The following ZNF761 variants were observed in gnomAD, a reference collection of about 807,000 sequenced individuals.
The protein encoded by ZNF761 is zinc finger protein 761.
Under a neutral mutation model 59.9 loss-of-function variants are expected in ZNF761, and 43 were observed. The observed-to-expected ratio is 0.72, with a 90% confidence interval of 0.56 to 0.92. The LOEUF is 0.92. Ranked by LOEUF, ZNF761 falls within the 40% of genes least tolerant of loss-of-function variation. The probability of loss-of-function intolerance (pLI) is 0.00; values close to 1 mark genes in which losing one functional copy is unlikely to be tolerated. For missense variants in ZNF761, 850 were observed against 906.1 expected, an observed-to-expected ratio of 0.94 and a Z score of 0.79; for synonymous variants, 294 against 304.8, an observed-to-expected ratio of 0.96 and a Z score of 0.37.
intron 1 of ZNF761, among the ~76,000 whole-genome samples, chr19:53,437,047 G>A (rs1439250109): frequency 6.6e-6 from 1 of 152,198 alleles, no homozygotes; most frequent in Non-Finnish European, 1.5e-5. Context: ...ACCCAGCGCA[G>A]TGGCTCATGC....
Position 53,447,246 on chromosome 19 carries a change from A to G in ZNF761, c.-23A>G. ...CGTGAGGAAGAAACCCGGAAGAGGA[A>G]GAGGAGAGCAAAGGAGTCAGGGATG... On this transcript the variant is annotated 5_prime_UTR_variant, in exon 3 of 5. Coordinates refer to ENST00000684525, the MANE Select transcript of ZNF761 (RefSeq NM_001289951.2). 1 of 1,612,418 alleles carries G rather than the reference A, an allele frequency of 6.2e-7. No individual in the cohort carries two copies. Among genetic ancestry groups the G allele is most frequent in the Middle Eastern group, 1.7e-4 (1 of 6,052 alleles).
chr19:53,434,631 T>C (rs959033871), intron 1 of ZNF761, among the ~76,000 whole-genome samples: 3 of 152,224 alleles, frequency 2.0e-5, no homozygotes, highest in African/African-American at 7.2e-5. Flanking sequence ...CCAGTGAGTC[T>C]GTAAAAGCTT....
chr19:53,444,342 A>G (rs1029790350), intron 1 of ZNF761: 21 of 152,216 alleles, frequency 1.4e-4, no homozygotes, highest in Non-Finnish European at 2.4e-4. Context: ...AGATAGGAGA[A>G]AACCGCCTTA....
chr19:53,433,558 G>T (rs1311939854), intron 1 of ZNF761, among the ~76,000 whole-genome samples: 1 of 152,006 alleles, frequency 6.6e-6, no homozygotes, highest in South Asian at 2.1e-4. Context: ...ATGCATGTTT[G>T]TTTTTTAACT....
intron 1 of ZNF761, among the ~76,000 whole-genome samples, chr19:53,433,383 CTT>C (rs569786564): frequency 1.4e-5 from 2 of 144,634 alleles, no homozygotes; most frequent in African/African-American, 2.5e-5. Flanking sequence ...CACATTTGTC[CTT>C]TTTTTTTTTT....
At chr19:53,444,287 A>G (rs895071318) in intron 1 of ZNF761, 4 of 152,210 alleles carry the variant, frequency 2.6e-5, no homozygotes, top group Non-Finnish European at 5.9e-5. Context: ...CGTCCTGGCA[A>G]TGGAACGTCT....
chr19:53,457,064 G>A lies in ZNF761; in HGVS notation c.*316G>A. 1 of 631,012 alleles carries A rather than the reference G, an allele frequency of 1.6e-6. No homozygotes were observed. The allele number at this position is 631,012 out of a possible 1,614,324, so 39.1% of individuals were successfully genotyped here. ...AACATGCTAGAATTCACACTGGAGA[G>A]AAACCTTACCAGTGTAATGAGTGTG... is the stretch of plus-strand genomic sequence containing the variant. On this transcript the variant is annotated 3_prime_UTR_variant, in exon 5 of 5. Coordinates refer to ENST00000684525, the MANE Select transcript of ZNF761 (RefSeq NM_001289951.2).
At position 53,456,865 on chromosome 19, in the gene ZNF761, G is replaced by A; in HGVS notation, c.*117G>A. On this transcript the variant is annotated 3_prime_UTR_variant, in exon 5 of 5. Coordinates refer to ENST00000684525, the MANE Select transcript of ZNF761 (RefSeq NM_001289951.2). ...GATAAAGTTTACAGTGGCAAATCAA[G>A]CCTCAGAAGACAGGAGAATTCATAC... 7 of 1,182,084 alleles carry A rather than the reference G, an allele frequency of 5.9e-6. No homozygotes were observed. Among genetic ancestry groups the A allele is most frequent in the Non-Finnish European group, 8.5e-6 (7 of 819,502 alleles). The allele number at this position is 1,182,084 out of a possible 1,614,324, so 73.2% of individuals were successfully genotyped here. A position where few individuals can be genotyped will look rare whatever the true frequency, so the allele number is the denominator to read the frequency against.
At chr19:53,442,076 A>G in intron 1 of ZNF761, 1 of 930,900 alleles carries the variant, frequency 1.1e-6, no homozygotes, top group Non-Finnish European at 1.7e-6. Flanking sequence ...GCGCCTGGCC[A>G]CTGCCCTGCA....
intron 4 of ZNF761, among the ~76,000 whole-genome samples, chr19:53,451,558 T>G (rs2086221851): frequency 6.6e-6 from 1 of 151,912 alleles, no homozygotes; most frequent in Non-Finnish European, 1.5e-5. Flanking sequence ...TATCTGTGGG[T>G]TGGAGTTACT....
intron 1 of ZNF761, among the ~76,000 whole-genome samples, chr19:53,433,800 T>C (rs2086004689): frequency 6.6e-6 from 1 of 152,150 alleles, no homozygotes; most frequent in Non-Finnish European, 1.5e-5. Flanking sequence ...CTAGAACTAC[T>C]CCTATTAAGG....
intron 1 of ZNF761, among the ~76,000 whole-genome samples, chr19:53,439,382 T>C (rs2086075960): frequency 6.6e-6 from 1 of 151,896 alleles, no homozygotes; most frequent in African/African-American, 2.4e-5. Context: ...CTCGGCTCAC[T>C]GTAAGCTCTG....
At chr19:53,448,908 G>A (rs1371792743) in intron 3 of ZNF761, among the ~76,000 whole-genome samples, 4 of 152,086 alleles carry the variant, frequency 2.6e-5, no homozygotes, top group Admixed American at 6.5e-5. Flanking sequence ...ATGTAGCTGG[G>A]ATAACAGGCA....
chr19:53,455,899 A>G lies in ZNF761; in HGVS notation c.1392A>G (p.Gln464=), dbSNP rs375441291. Residue 464 remains glutamine (Q), a synonymous_variant, in exon 5 of 5, where the codon CAA becomes CAG. Coordinates refer to ENST00000684525, the MANE Select transcript of ZNF761 (RefSeq NM_001289951.2). ...ATCGTAGACGTCATACTGGAGAGCA[A>G]CCTTACAAATGTGAAGAATGTGACA... ...TCHRRRHTGE[Q]PYKCEECDKA... is the part of the protein sequence containing the mutation. The G allele has an allele frequency of 7.4e-6, 12 of 1,613,770 alleles. No individual in the cohort carries two copies. The highest frequency in any genetic ancestry group is 3.3e-4 in the Middle Eastern group (2 of 6,082).
intron 1 of ZNF761, among the ~76,000 whole-genome samples, chr19:53,436,643 C>G (rs2086045126): frequency 6.6e-6 from 1 of 152,180 alleles, no homozygotes; most frequent in Non-Finnish European, 1.5e-5. Flanking sequence ...TGTGTAGCTT[C>G]TATTTTATTT....
chr19:53,442,115 G>A (rs1315802012), intron 1 of ZNF761: 2 of 1,048,658 alleles, frequency 1.9e-6, no homozygotes, highest in East Asian at 2.4e-5. Context: ...AAAAGCTGCT[G>A]ATGAGAGTGA....
Position 53,456,130 on chromosome 19 carries a change from T to C in ZNF761, c.1623T>C (p.Arg541=). The change falls in exon 5 of 5, where the codon CGT becomes CGC. Residue 541 remains arginine, a synonymous_variant. Transcript: ENST00000684525. The part of the protein sequence containing the change: ...FSWKSSLTCH[R]RLHSGEKPYK... The stretch of plus-strand genomic sequence containing the variant: ...GGAAGTCATCCCTTACCTGCCATCG[T>C]AGACTTCATTCTGGAGAGAAACCTT... 6.2e-7 allele frequency: 1 copy of C among 1,613,536 alleles called. No individual in the cohort carries two copies. The highest frequency in any genetic ancestry group is 2.2e-5 in the East Asian group (1 of 44,844).
chr19:53,457,344 C>T lies in ZNF761; in HGVS notation c.*596C>T. ...AACCTTACAAATGTCATGACTGTGG[C>T]AAGGTCTTCAGTCAAGCTTCATCCT... On this transcript the variant is annotated 3_prime_UTR_variant, in exon 5 of 5. Transcript: ENST00000684525. 2.5e-6 allele frequency: 1 copy of T among 402,230 alleles called. No homozygotes were observed. Among genetic ancestry groups the T allele is most frequent in the Non-Finnish European group, 5.0e-6 (1 of 198,380 alleles). 24.9% of individuals were successfully genotyped at this position (402,230 alleles called of 1,614,324 possible). A position where few individuals can be genotyped will look rare whatever the true frequency, so the allele number is the denominator to read the frequency against.
At chr19:53,448,936 C>A (rs946679194) in intron 3 of ZNF761, among the ~76,000 whole-genome samples, 1 of 152,114 alleles carries the variant, frequency 6.6e-6, no homozygotes, top group South Asian at 2.1e-4. Context: ...CTGTGCCCAG[C>A]CAGATTTTAG....
Sources: gnomAD v4.1 joint callset for allele counts (sites outside exome capture counted in the v4.1 genomes callset) on GRCh38, gnomAD v4.1.1 for gene constraint, MANE v1.5 for transcripts, NCBI Gene and HGNC (gene_info 2026-07-23, HGNC 2026-07-21) for gene names.